Variants in UBE2G1 observed in about 807,000 individuals in gnomAD.
UBE2G1 encodes ubiquitin conjugating enzyme E2 G1.
A neutral mutation model predicts 22.7 loss-of-function variants in UBE2G1; 5 were observed. The ratio of observed to expected loss-of-function variants is 0.22; its 90% CI spans 0.12 to 0.46. The LOEUF (loss-of-function observed/expected upper bound fraction) is 0.46, where lower values mean the gene tolerates loss of function less well. Ranked by LOEUF, UBE2G1 falls within the 20% of genes least tolerant of loss-of-function variation. UBE2G1 has a pLI of 0.99. For missense variants in UBE2G1, 88 were observed against 203.9 expected, an observed-to-expected ratio of 0.43 and a Z score of 3.46; for synonymous variants, 74 against 67.5, an observed-to-expected ratio of 1.10 and a Z score of -0.47.
chr17:4,347,245 T>G (rs150952295), intron 1 of UBE2G1, among the ~76,000 whole-genome samples: 2 of 152,268 alleles, frequency 1.3e-5, no homozygotes, highest in East Asian at 3.9e-4. Flanking sequence ...TTGGAATATT[T>G]GCATACACAT....
chr17:4,366,311 C>A lies in UBE2G1; in HGVS notation c.6G>T (p.Thr2=). 1.3e-6 allele frequency: 2 copies of A among 1,549,422 alleles called. No homozygotes were observed. The highest frequency in any genetic ancestry group is 1.7e-6 in the Non-Finnish European group (2 of 1,156,962). The change falls in exon 1 of 6, where the codon ACG becomes ACT. Residue 2 remains threonine (T), a synonymous_variant. Transcript: ENST00000396981. ...GCAGTAGCAGTGCCGACTGCAGCTC[C>A]GTCATCCTCCCTGCCGAGGGCCCGG... is the stretch of plus-strand genomic sequence containing the variant. M[T]ELQSALLLRR...
At chr17:4,366,121 C>A (rs1169153236) in intron 1 of UBE2G1, 150 bp downstream of exon 1, 3 of 779,084 alleles carry the variant, frequency 3.9e-6, no homozygotes, top group Admixed American at 4.4e-5. Flanking sequence ...AACGGCTGGG[C>A]CCGGCCGGGA....
chr17:4,356,429 G>A (rs972609888), intron 1 of UBE2G1, among the ~76,000 whole-genome samples: 1 of 152,166 alleles, frequency 6.6e-6, no homozygotes, highest in African/African-American at 2.4e-5. Context: ...GCACCTCAAG[G>A]TAGGGATATC....
intron 4 of UBE2G1, among the ~76,000 whole-genome samples, chr17:4,286,376 G>A (rs945115821): frequency 6.1e-5 from 9 of 146,532 alleles, no homozygotes; most frequent in Non-Finnish European, 1.2e-4. Flanking sequence ...CTGCACCCCA[G>A]CCTGAGTAAC....
intron 1 of UBE2G1, among the ~76,000 whole-genome samples, chr17:4,338,814 C>G (rs1347560928): frequency 6.6e-6 from 1 of 152,166 alleles, no homozygotes; most frequent in Non-Finnish European, 1.5e-5. Flanking sequence ...CAGAGCTAGG[C>G]TCTGCTGCAG....
intron 3 of UBE2G1, among the ~76,000 whole-genome samples, chr17:4,291,421 A>C (rs1969039859): frequency 6.6e-6 from 1 of 151,996 alleles, no homozygotes; most frequent in Admixed American, 6.6e-5. Flanking sequence ...CAGCATAAAA[A>C]TTTCATAGAG....
chr17:4,349,183 C>T (rs971199883), intron 1 of UBE2G1, among the ~76,000 whole-genome samples: 1 of 151,794 alleles, frequency 6.6e-6, no homozygotes, highest in African/African-American at 2.4e-5. Flanking sequence ...AGCCAGATGT[C>T]GTGGCGCATG....
rs375517516 is a variant in UBE2G1, at chr17:4,351,482, CAGA to C, written c.46+14786_46+14788del. Among the ~76,000 whole-genome samples, 121 of 152,138 alleles carry C rather than the reference CAGA, an allele frequency of 8.0e-4. 3 individuals carry two copies. In the East Asian group the frequency reaches 0.016, roughly 20 times the overall value. On this transcript the variant is annotated intron_variant, in intron 1 of 5. Transcript: ENST00000396981. ...GTATCCATTTGGCAAATGCTCAGGG[CAGA>C]AGAAGAGCAAAGGTGTCATCCTAAG...
intron 1 of UBE2G1, among the ~76,000 whole-genome samples, chr17:4,358,400 A>C (rs2143829694): frequency 6.6e-6 from 1 of 152,196 alleles, no homozygotes; most frequent in Admixed American, 6.6e-5. Flanking sequence ...CTAGTAGCTG[A>C]AACTACAGAT....
intron 5 of UBE2G1, among the ~76,000 whole-genome samples, chr17:4,273,328 A>G (rs1451400848): frequency 2.6e-5 from 4 of 152,210 alleles, no homozygotes; most frequent in Non-Finnish European, 1.5e-5. Flanking sequence ...AAAAAGTTAG[A>G]AAAACACTAG....
At position 4,366,263 on chromosome 17, in the gene UBE2G1, C is replaced by T. The variant is rs771913195; in HGVS notation, c.46+8G>A. The stretch of plus-strand genomic sequence containing the variant: ...CCGGGCCCGGCGCCCCGCCGCCCGC[C>T]TGCTCACCTGCCAGCTGTCTTCGCA... On this transcript the variant is annotated splice_region_variant and intron_variant, in intron 1 of 5. Coordinates refer to ENST00000396981, the MANE Select transcript of UBE2G1 (RefSeq NM_003342.5). 4.1e-5 allele frequency: 64 copies of T among 1,549,852 alleles called. No individual in the cohort carries two copies. Among genetic ancestry groups the T allele is most frequent in the Middle Eastern group, 3.9e-4 (2 of 5,124 alleles).
chr17:4,274,359 G>A lies in UBE2G1; in HGVS notation c.*38-1843C>T, dbSNP rs1044433052. ...AATACAGGCGCCTGCCACCATGCCC[G>A]GCTAATTTTTTGTATTTTTAGTAGA... is the stretch of plus-strand genomic sequence containing the variant. On this transcript the variant is annotated intron_variant, in intron 5 of 5. Transcript: ENST00000396981. Among the ~76,000 whole-genome samples, 52 of 151,940 alleles carry A rather than the reference G, an allele frequency of 3.4e-4. 1 individual carries two copies. The highest frequency in any genetic ancestry group is 1.1e-3 in the African/African-American group (45 of 41,340).
chr17:4,315,188 A>C (rs1297215659), intron 1 of UBE2G1, among the ~76,000 whole-genome samples: 1 of 152,146 alleles, frequency 6.6e-6, no homozygotes, highest in Non-Finnish European at 1.5e-5. Context: ...TCCATGACCT[A>C]ATCACTTCAG....
rs146751814 is a variant in UBE2G1, at chr17:4,302,050, G to C, written c.149+4971C>G. On this transcript the variant is annotated intron_variant, in intron 2 of 5. Transcript: ENST00000396981. ...AAAGAACAACAACAACAAAAAAAGG[G>C]GGGGGAAGTTTTTACATTAACTGAT... 1,028 of 499,026 alleles carry C rather than the reference G, an allele frequency of 2.1e-3. 16 individuals are homozygous for C. Among genetic ancestry groups the C allele is most frequent in the African/African-American group, 0.01 (526 of 51,000 alleles). The allele number at this position is 499,026 out of a possible 1,614,324, so 30.9% of individuals were successfully genotyped here.
intron 1 of UBE2G1, among the ~76,000 whole-genome samples, chr17:4,322,591 A>G (rs1162948171): frequency 2.0e-5 from 3 of 152,212 alleles, no homozygotes; most frequent in Non-Finnish European, 4.4e-5. Context: ...ACATTAAGTA[A>G]AAATGGCTTC....
intron 1 of UBE2G1, among the ~76,000 whole-genome samples, chr17:4,354,612 TTTAGGAGGG>T (rs1969883862): frequency 6.6e-6 from 1 of 151,974 alleles, no homozygotes; most frequent in Non-Finnish European, 1.5e-5. Context: ...TCCATCAGCA[TTTAGGAGGG>T]TTAGATTGGA....
chr17:4,269,325 T>C lies in UBE2G1; in HGVS notation c.*3229A>G, dbSNP rs1178920418. On this transcript the variant is annotated 3_prime_UTR_variant, in exon 6 of 6. Coordinates refer to ENST00000396981, the MANE Select transcript of UBE2G1 (RefSeq NM_003342.5). The stretch of plus-strand genomic sequence containing the variant: ...ATCACATGAATGAGGTGCTTTACAA[T>C]ACAGTAAACATCACAACAGAACTCA... 1.3e-5 allele frequency: 2 copies of C among 152,420 alleles called. No individual in the cohort carries two copies. Among genetic ancestry groups the C allele is most frequent in the Non-Finnish European group, 2.9e-5 (2 of 68,008 alleles). 9.4% of individuals were successfully genotyped at this position (152,420 alleles called of 1,614,324 possible).
intron 1 of UBE2G1, among the ~76,000 whole-genome samples, chr17:4,311,210 G>A (rs1364357795): frequency 6.6e-6 from 1 of 152,118 alleles, no homozygotes; most frequent in Non-Finnish European, 1.5e-5. Flanking sequence ...CTGGGCAACA[G>A]AGCCAGACCT....
At chr17:4,305,443 G>A (rs911634243) in intron 2 of UBE2G1, among the ~76,000 whole-genome samples, 1 of 152,212 alleles carries the variant, frequency 6.6e-6, no homozygotes, top group Non-Finnish European at 1.5e-5. Context: ...ATTCTCAGCA[G>A]CATATACACA....
Sources: gnomAD v4.1 joint callset for allele counts (sites outside exome capture counted in the v4.1 genomes callset) on GRCh38, gnomAD v4.1.1 for gene constraint, MANE v1.5 for transcripts, NCBI Gene and HGNC (gene_info 2026-07-23, HGNC 2026-07-21) for gene names.